The following KCNH4 variants were observed in gnomAD, a reference collection of about 807,000 sequenced individuals.
KCNH4 encodes voltage-gated delayed rectifier potassium channel KCNH4.
A neutral mutation model predicts 90.7 loss-of-function variants in KCNH4; 33 were observed. The ratio of observed to expected loss-of-function variants is 0.36; its 90% CI spans 0.28 to 0.49. The LOEUF is 0.49. Among genes scored for constraint, KCNH4 ranks in the 20% least tolerant of loss-of-function variants. KCNH4 has a pLI of 0.98. For synonymous variants in KCNH4, 551 were observed against 581.7 expected, an observed-to-expected ratio of 0.95 and a Z score of 0.76; for missense variants, 1,044 against 1,387.1, an observed-to-expected ratio of 0.75 and a Z score of 3.93.
chr17:42,177,964 T>C, intron 4 of KCNH4, 136 bp downstream of exon 4: 1 of 1,024,354 alleles, frequency 9.8e-7, no homozygotes, highest in Non-Finnish European at 1.5e-6. Context: ...TAGAGTAGTA[T>C]ATGGGAAATG....
intron 1 of KCNH4, among the ~76,000 whole-genome samples, chr17:42,179,603 G>C (rs1008566422): frequency 6.6e-6 from 1 of 152,218 alleles, no homozygotes; most frequent in Non-Finnish European, 1.5e-5. Context: ...AAGCAGGGCA[G>C]AGATTCTGAT....
chr17:42,178,332 G>A lies in KCNH4; in HGVS notation c.456C>T (p.His152=), dbSNP rs770977833. Residue 152 remains histidine, a splice_region_variant and synonymous_variant, in exon 3 of 17, where the codon CAC becomes CAT. Transcript: ENST00000264661. ...CTGCCCGTCCGGACTTGCTGTTACC[G>A]TGATTACTGTCCCCGCGGCCTCCTT... ...GPQGGRGDSN[H]ENSLGRRGAT... The A allele has an allele frequency of 4.7e-5, 76 of 1,614,090 alleles. No homozygotes were observed. Among genetic ancestry groups the A allele is most frequent in the Middle Eastern group, 3.3e-4 (2 of 6,084 alleles).
rs568376100 is a variant in KCNH4, at chr17:42,163,686, G to T, written c.2397C>A (p.Pro799=). The T allele has an allele frequency of 2.0e-6, 3 of 1,505,286 alleles. No homozygotes were observed. The highest frequency in any genetic ancestry group is 1.4e-5 in the African/African-American group (1 of 71,302). 93.2% of individuals were successfully genotyped at this position (1,505,286 alleles called of 1,614,324 possible). The part of the protein sequence containing the change: ...QGHSASPHGP[P]RCSAAWKPPQ... ...GGGGCTTCCAGGCAGCAGAGCACCTGGGGGGGCCGTGAGGGGAGGCACTGT... is the reference window on the plus strand; with the variant it reads ...GGGGCTTCCAGGCAGCAGAGCACCTTGGGGGGCCGTGAGGGGAGGCACTGT... Residue 799 remains proline, a synonymous_variant, in exon 13 of 17, where the codon CCC becomes CCA. Transcript: ENST00000264661. This position sits in a 1 kb window ranked among gnomAD's most constrained non-coding sequence, Gnocchi z 5.4.
In KCNH4 at chr17:42,177,822, G is replaced by A. The variant is rs138780586; in HGVS notation, c.585+278C>T. 2.2e-4 allele frequency among the ~76,000 whole-genome samples: 34 copies of A among 152,332 alleles called. No individual in the cohort carries two copies. The East Asian group carries it at 5.8e-3, about 26-fold the overall frequency. ...CCCATGGTATAACCCTATCACCCCC[G>A]GGCAGGTGAGGTCATTGCTGCTAGA... is the stretch of plus-strand genomic sequence containing the variant. On this transcript the variant is annotated intron_variant, in intron 4 of 16. Transcript: ENST00000264661.
At chr17:42,171,264 A>G (rs568816137) in intron 7 of KCNH4, among the ~76,000 whole-genome samples, 17 of 151,980 alleles carry the variant, frequency 1.1e-4, no homozygotes, top group African/African-American at 4.1e-4. Flanking sequence ...GAGGATGGAG[A>G]GAAAAGGTCA....
chr17:42,168,825 G>T (rs978419301), intron 9 of KCNH4, among the ~76,000 whole-genome samples: 20 of 151,496 alleles, frequency 1.3e-4, no homozygotes, highest in Non-Finnish European at 2.1e-4. Flanking sequence ...AGGCTGGAGT[G>T]CAGTGGCACA....
intron 2 of KCNH4, 88 bp from the exon 3 acceptor site, chr17:42,178,565 T>C: frequency 1.1e-5 from 16 of 1,492,744 alleles, no homozygotes; most frequent in Non-Finnish European, 1.4e-5. Context: ...CTAGACATAG[T>C]TAAGAGCTTG....
chr17:42,168,560 C>A (rs1169808955), intron 9 of KCNH4, among the ~76,000 whole-genome samples: 5 of 152,026 alleles, frequency 3.3e-5, no homozygotes, highest in Non-Finnish European at 7.4e-5. Flanking sequence ...AGAAGAATTC[C>A]TTGAACCTGG....
chr17:42,172,126 T>C, intron 6 of KCNH4, 131 bp from the exon 7 acceptor site: 1 of 705,004 alleles, frequency 1.4e-6, no homozygotes, highest in Admixed American at 2.4e-5. Context: ...ATCTTTGCTG[T>C]CCTGAGAAAG....
At chr17:42,178,006 CCAGA>C (rs976472032) in intron 4 of KCNH4, 90 bp downstream of exon 4, 123 of 1,518,866 alleles carry the variant, frequency 8.1e-5, no homozygotes, top group Admixed American at 1.7e-4. Flanking sequence ...AGGAGGGACA[CCAGA>C]CAGACAGGGA....
intron 7 of KCNH4, 121 bp downstream of exon 7, chr17:42,171,667 G>A (rs911342688): frequency 7.6e-6 from 7 of 920,964 alleles, no homozygotes; most frequent in East Asian, 4.8e-5. Flanking sequence ...AGAGCTCAAC[G>A]CATGTTTGTT....
In KCNH4 at chr17:42,166,504, T is replaced by C; in HGVS notation, c.1633A>G (p.Met545Val). 1.9e-6 allele frequency: 3 copies of C among 1,613,836 alleles called. No individual in the cohort carries two copies. In the South Asian group the frequency reaches 3.3e-5, roughly 18 times the overall value. Residue 545 changes from methionine (M) to valine (V), a missense_variant, in exon 10 of 17, where the codon ATG becomes GTG. Coordinates refer to ENST00000264661, the MANE Select transcript of KCNH4 (RefSeq NM_012285.3). ...FPDELRADIA[M>V]HLNREILQLP... Reference sequence around the variant, plus strand: ...TGCAGGATCTCCCGATTCAGGTGCATAGCAATGTCAGCTCTCAGCTCGTCT... The same window carrying C: ...TGCAGGATCTCCCGATTCAGGTGCACAGCAATGTCAGCTCTCAGCTCGTCT...
intron 15 of KCNH4, among the ~76,000 whole-genome samples, chr17:42,160,655 AC>A (rs1453712132): frequency 6.6e-6 from 1 of 151,938 alleles, no homozygotes; most frequent in Non-Finnish European, 1.5e-5. Context: ...CTACACACAC[AC>A]GCGCGCGCGA....
chr17:42,167,732 C>T (rs1210523950), intron 9 of KCNH4, among the ~76,000 whole-genome samples: 1 of 152,196 alleles, frequency 6.6e-6, no homozygotes, highest in African/African-American at 2.4e-5. Flanking sequence ...AACTGGGAGT[C>T]ACTCTGAGCT....
intron 9 of KCNH4, among the ~76,000 whole-genome samples, chr17:42,169,229 A>G (rs970671424): frequency 6.6e-6 from 1 of 151,740 alleles, no homozygotes; most frequent in Non-Finnish European, 1.5e-5. Context: ...ACAGGCGTGC[A>G]CCACCACAGC....
intron 7 of KCNH4, 65 bp from the exon 8 acceptor site, chr17:42,170,366 G>A (rs541864159): frequency 1.9e-5 from 26 of 1,404,856 alleles, no homozygotes; most frequent in Middle Eastern, 2.1e-4. Flanking sequence ...GGTTCCCTGA[G>A]CCACCTACGC....
chr17:42,180,916 C>T lies in KCNH4; in HGVS notation c.30G>A (p.Pro10=). 1 of 1,613,748 alleles carries T rather than the reference C, an allele frequency of 6.2e-7. No individual in the cohort carries two copies. The highest frequency in any genetic ancestry group is 1.3e-5 in the African/African-American group (1 of 74,962). The change falls in exon 1 of 17, where the codon CCG becomes CCA. Residue 10 remains proline, a synonymous_variant. Coordinates refer to ENST00000264661, the MANE Select transcript of KCNH4 (RefSeq NM_012285.3). This position sits in a 1 kb window ranked among gnomAD's most constrained non-coding sequence, Gnocchi z 4.7. MPVMKGLLA[P]QNTFLDTIAT... ...CGATGGTGTCCAGGAAGGTGTTTTG[C>T]GGGGCCAGCAACCCCTTCATGACCG... is the stretch of plus-strand genomic sequence containing the variant.
Position 42,170,277 on chromosome 17 carries a change from C to T in KCNH4, c.1220G>A (p.Arg407His), listed in dbSNP as rs1265183710. 12 of 1,598,924 alleles carry T rather than the reference C, an allele frequency of 7.5e-6. No individual in the cohort carries two copies. Among genetic ancestry groups the T allele is most frequent in the Admixed American group, 1.7e-5 (1 of 58,224 alleles). Residue 407 changes from arginine to histidine, a missense_variant, in exon 8 of 17, where the codon CGT (arginine) becomes CAT (histidine). Arg to His is a conservative substitution (Grantham distance 29). Around this residue, in one of 4 missense-constraint regions of KCNH4, gnomAD observed 318 missense variants for 479.6 expected, o/e 0.66. Coordinates refer to ENST00000264661, the MANE Select transcript of KCNH4 (RefSeq NM_012285.3). ...DIGWLHELGK[R>H]LEVPYVNGSV... is the part of the protein sequence containing the mutation. ...GCCATTGACATAGGGCACCTCCAGACGCTTGCCCAACTCATGCAACCAGCC... is the reference window on the plus strand; with the variant it reads ...GCCATTGACATAGGGCACCTCCAGATGCTTGCCCAACTCATGCAACCAGCC...
At chr17:42,168,660 A>G (rs908592093) in intron 9 of KCNH4, among the ~76,000 whole-genome samples, 1 of 152,168 alleles carries the variant, frequency 6.6e-6, no homozygotes, top group Non-Finnish European at 1.5e-5. Flanking sequence ...AGAAAAAAAG[A>G]AAAGAAGCAA....
Sources: allele counts gnomAD v4.1 joint callset (sites outside exome capture counted in the v4.1 genomes callset), GRCh38; gene constraint gnomAD v4.1.1; regional missense constraint gnomAD v4.1.1; non-coding constraint Gnocchi (gnomAD v3.1); transcripts MANE v1.5; gene names NCBI Gene and HGNC (gene_info 2026-07-23, HGNC 2026-07-21).